WNK3: variants seen among roughly 807,000 people sequenced by gnomAD.
The protein encoded by WNK3 is serine/threonine-protein kinase WNK3.
A neutral mutation model predicts 116.7 loss-of-function variants in WNK3; 18 were observed. The observed-to-expected ratio is 0.15, with a 90% CI of 0.11 to 0.23. The LOEUF (loss-of-function observed/expected upper bound fraction) is 0.23, where lower values mean the gene tolerates loss of function less well. Ranked by LOEUF, WNK3 falls within the 10% of genes least tolerant of loss-of-function variation. WNK3 has a pLI of 1.00. For missense variants in WNK3, 993 were observed against 1,323.8 expected (o/e 0.75, Z 3.88); for synonymous variants, 404 against 469.4 (o/e 0.86, Z 1.80).
intron 1 of WNK3, among the ~76,000 whole-genome samples, chrX:54,352,341 T>C (rs1557178639): frequency 2.7e-5 from 3 of 111,728 alleles, no homozygotes; most frequent in South Asian, 7.5e-4. Flanking sequence ...TGAAAATTGG[T>C]GCAACTGCTA....
intron 10 of WNK3, among the ~76,000 whole-genome samples, chrX:54,277,632 G>A (rs914251922): frequency 1.8e-5 from 2 of 110,932 alleles, no homozygotes; most frequent in Non-Finnish European, 3.8e-5. Context: ...CAACGCGCCC[G>A]GCCATGATTT....
At chrX:54,347,411 C>T (rs897048251) in intron 1 of WNK3, among the ~76,000 whole-genome samples, 63 of 111,208 alleles carry the variant, frequency 5.7e-4, no homozygotes, top group Non-Finnish European at 9.2e-4. Context: ...ACTTGAACCC[C>T]GGAGGCAGAG....
intron 13 of WNK3, 125 bp from the exon 14 acceptor site, chrX:54,251,812 T>A: frequency 4.8e-6 from 3 of 623,176 alleles, no homozygotes; most frequent in Non-Finnish European, 6.9e-6. Context: ...ATGCCTGTAA[T>A]CCCAGCACTT....
intron 1 of WNK3, among the ~76,000 whole-genome samples, chrX:54,345,764 C>T (rs1200434170): frequency 3.0e-5 from 3 of 98,510 alleles, no homozygotes; most frequent in Non-Finnish European, 6.0e-5. Context: ...CCAGCCTGGG[C>T]GACAGAGTGA....
chrX:54,237,479 C>T (rs782358138), exon 20 of WNK3: 3 of 1,193,623 alleles, frequency 2.5e-6, no homozygotes, highest in Non-Finnish European at 3.4e-6. Context: ...TGGTTTGTCT[C>T]ACTGAACACT....
At chrX:54,356,795 C>T (rs2069599465) in intron 1 of WNK3, among the ~76,000 whole-genome samples, 1 of 111,357 alleles carries the variant, frequency 9.0e-6, no homozygotes, top group South Asian at 3.8e-4. Flanking sequence ...ATACTATTCG[C>T]ATCTGTTTTG....
At chrX:54,282,329 G>A (rs782763961) in intron 10 of WNK3, among the ~76,000 whole-genome samples, 1 of 110,992 alleles carries the variant, frequency 9.0e-6, no homozygotes, top group African/African-American at 3.3e-5. Context: ...ACAGGTGTGA[G>A]CCACTGCACC....
In WNK3 at chrX:54,237,277, A is replaced by G. The variant is rs782308944; in HGVS notation, c.4289T>C (p.Val1430Ala). ...TTCCTTTTCTGGGGTCACTGAAGATACATCAGTCTCACAAGCTGCGCTGAA... is the reference window on the plus strand; with the variant it reads ...TTCCTTTTCTGGGGTCACTGAAGATGCATCAGTCTCACAAGCTGCGCTGAA... The change falls in exon 20 of 24, where the codon GTA becomes GCA. Residue 1430 changes from valine (V) to alanine (A), a missense_variant. This residue lies in a region of WNK3 where 836 missense variants were observed against 976.5 expected (regional missense o/e 0.86). Coordinates refer to ENST00000354646, the Ensembl canonical transcript of WNK3. The G allele has an allele frequency of 1.2e-5, 14 of 1,212,043 alleles. No individual in the cohort carries two copies. In the South Asian group the frequency reaches 2.5e-4, roughly 21 times the overall value.
At chrX:54,333,908 T>C (rs1371179278) in intron 1 of WNK3, 116 bp from the exon 2 acceptor site, 3 of 403,652 alleles carry the variant, frequency 7.4e-6, no homozygotes, top group Non-Finnish European at 1.3e-5. Flanking sequence ...TATTCTTTTT[T>C]CTGTCCAATC....
rs369004927 is a variant in WNK3, at chrX:54,333,134, T to C, written c.537+3A>G. ...ATTATAACCAAGAAGATTATATACC[T>C]ACCTGCAGCTCACACCAAGCAACCT... On this transcript the variant is annotated splice_donor_region_variant and intron_variant, in intron 2 of 23. Transcript: ENST00000354646. 2.5e-6 allele frequency: 3 copies of C among 1,178,882 alleles called. No individual in the cohort carries two copies. The highest frequency in any genetic ancestry group is 3.0e-5 in the East Asian group (1 of 33,539).
chrX:54,202,872 A>G (rs983249386), intron 22 of WNK3, among the ~76,000 whole-genome samples: 13 of 110,453 alleles, frequency 1.2e-4, no homozygotes, highest in Admixed American at 8.8e-4. Context: ...AACAAAAAAA[A>G]AAAGGTCTAG....
At chrX:54,222,134 G>A (rs781922099) in intron 22 of WNK3, among the ~76,000 whole-genome samples, 1 of 111,837 alleles carries the variant, frequency 8.9e-6, no homozygotes, top group African/African-American at 3.2e-5. Flanking sequence ...TCCAGCCTGG[G>A]CGACAAGAGC....
At chrX:54,241,932 C>T (rs1557151652) in intron 17 of WNK3, among the ~76,000 whole-genome samples, 2 of 101,776 alleles carry the variant, frequency 2.0e-5, no homozygotes, top group Non-Finnish European at 2.0e-5. Context: ...CCAACCTGGG[C>T]GACAGAGTAA....
At chrX:54,348,124 A>ATGTGTGTG (rs781868512) in intron 1 of WNK3, among the ~76,000 whole-genome samples, 26 of 102,918 alleles carry the variant, frequency 2.5e-4, no homozygotes, top group African/African-American at 8.6e-4. Context: ...CATTGTATAT[A>ATGTGTGTG]TGTGTGTGTG....
chrX:54,206,409 T>C (rs1158981613), intron 22 of WNK3, among the ~76,000 whole-genome samples: 1 of 111,390 alleles, frequency 9.0e-6, no homozygotes, highest in African/African-American at 3.3e-5. Flanking sequence ...AATTAAAAAA[T>C]AAATAATTCA....
At chrX:54,280,746 TA>T (rs1207994753) in intron 10 of WNK3, among the ~76,000 whole-genome samples, 2 of 110,307 alleles carry the variant, frequency 1.8e-5, no homozygotes, top group African/African-American at 6.6e-5. Flanking sequence ...CATGTGGACA[TA>T]AAGATGAAAA....
At chrX:54,195,217 G>A (rs1557139811) in exon 24 of WNK3, 1 of 111,546 alleles carries the variant, frequency 9.0e-6, no homozygotes, top group Admixed American at 9.6e-5. Flanking sequence ...CATCAGACTT[G>A]CACTTTGAGA....
intron 2 of WNK3, among the ~76,000 whole-genome samples, chrX:54,321,983 CA>C (rs782573142): frequency 0.032 from 1,974 of 61,019 alleles, 56 homozygotes; most frequent in African/African-American, 0.097. Flanking sequence ...GACTCCATCC[CA>C]AAAAAAAAAA....
At chrX:54,333,624 G>C in exon 2 of WNK3, 2 of 1,203,947 alleles carry the variant, frequency 1.7e-6, no homozygotes, top group Non-Finnish European at 2.2e-6. Flanking sequence ...AATTCCATCA[G>C]GTTTCTCAGA....
Sources: gnomAD v4.1 joint callset for allele counts (sites outside exome capture counted in the v4.1 genomes callset) on GRCh38, gnomAD v4.1.1 for gene constraint, gnomAD v4.1.1 regional missense constraint, MANE v1.5 for transcripts, NCBI Gene and HGNC (gene_info 2026-07-23, HGNC 2026-07-21) for gene names.